Variants in LRRC4C observed in about 807,000 individuals in gnomAD.
LRRC4C encodes leucine rich repeat containing 4C.
LRRC4C carries 5 observed loss-of-function variants against 33.6 expected under a neutral mutation model. That is an observed-to-expected ratio of 0.15 (90% CI 0.08 to 0.31). The LOEUF (loss-of-function observed/expected upper bound fraction) is 0.31. LRRC4C is among the 10% of genes least tolerant of loss of function. The pLI is 1.00. For missense variants in LRRC4C, 560 were observed against 796.7 expected, an observed-to-expected ratio of 0.70 and a Z score of 3.58; for synonymous variants, 329 against 302.0, an observed-to-expected ratio of 1.09 and a Z score of -0.93.
At chr11:40,652,858 A>G (rs1194502729) in intron 2 of LRRC4C, among the ~76,000 whole-genome samples, 1 of 152,202 alleles carries the variant, frequency 6.6e-6, no homozygotes, top group Non-Finnish European at 1.5e-5. Flanking sequence ...CACCTTGATT[A>G]TAATCCCCAT....
chr11:40,976,833 TGGAAG>T (rs1347123760), intron 1 of LRRC4C, among the ~76,000 whole-genome samples: 11 of 152,148 alleles, frequency 7.2e-5, no homozygotes, highest in Non-Finnish European at 7.3e-5. Flanking sequence ...ACCAATTTCA[TGGAAG>T]GCAATTTTTT....
chr11:40,265,346 C>T (rs1942169453), intron 4 of LRRC4C, among the ~76,000 whole-genome samples: 1 of 152,138 alleles, frequency 6.6e-6, no homozygotes, highest in African/African-American at 2.4e-5. Flanking sequence ...GTTGAAGTAA[C>T]TTAAATGGGC....
chr11:40,304,085 T>C (rs1356854260), intron 4 of LRRC4C, among the ~76,000 whole-genome samples: 1 of 152,148 alleles, frequency 6.6e-6, no homozygotes, highest in Non-Finnish European at 1.5e-5. Context: ...AGGAGCCAAA[T>C]TGCCAACATC....
At chr11:41,221,712 T>G (rs1280456377) in intron 1 of LRRC4C, among the ~76,000 whole-genome samples, 2 of 152,206 alleles carry the variant, frequency 1.3e-5, no homozygotes, top group Non-Finnish European at 2.9e-5. Context: ...TATAAATCTA[T>G]ACATTTCAAA....
At chr11:40,814,555 C>T (rs1361808622) in intron 2 of LRRC4C, among the ~76,000 whole-genome samples, 1 of 152,014 alleles carries the variant, frequency 6.6e-6, no homozygotes, top group Non-Finnish European at 1.5e-5. Context: ...CATTTGGTTC[C>T]TTGTTCCTTG....
intron 5 of LRRC4C, among the ~76,000 whole-genome samples, chr11:40,144,021 G>A (rs1857550071): frequency 6.6e-6 from 1 of 152,110 alleles, no homozygotes; most frequent in African/African-American, 2.4e-5. Flanking sequence ...GCTGTAAAAG[G>A]TATAGCAGTT....
chr11:40,746,113 C>G (rs1948404182), intron 2 of LRRC4C, among the ~76,000 whole-genome samples: 1 of 152,144 alleles, frequency 6.6e-6, no homozygotes, highest in South Asian at 2.1e-4. Context: ...TGGCTGGGAG[C>G]TGAAAGAGGG....
chr11:41,209,958 G>C (rs1288222573), intron 1 of LRRC4C, among the ~76,000 whole-genome samples: 1 of 152,054 alleles, frequency 6.6e-6, no homozygotes, highest in African/African-American at 2.4e-5. Context: ...GAGACTAAGA[G>C]ACACCAGATA....
chr11:41,328,813 C>T (rs2137348416), intron 1 of LRRC4C, among the ~76,000 whole-genome samples: 1 of 152,296 alleles, frequency 6.6e-6, no homozygotes, highest in Non-Finnish European at 1.5e-5. Flanking sequence ...TCAAGCCAGG[C>T]TCTCATTTCA....
intron 3 of LRRC4C, among the ~76,000 whole-genome samples, chr11:40,381,662 ACTCT>A (rs1948871930): frequency 1.3e-5 from 2 of 151,878 alleles, no homozygotes; most frequent in South Asian, 4.2e-4. Flanking sequence ...TGAGAACGTG[ACTCT>A]CTCCTCATTT....
chr11:40,206,391 A>C lies in LRRC4C; in HGVS notation c.-96+35128T>G, dbSNP rs369619550. 2.8e-4 allele frequency among the ~76,000 whole-genome samples: 39 copies of C among 141,432 alleles called. No homozygotes were observed. In the East Asian group the frequency reaches 5.6e-3, roughly 20 times the overall value. 92.8% of individuals were successfully genotyped at this position (141,432 alleles called of 152,430 possible). ...CCTGGGATTACAGGCACCTGCCATC[A>C]TGCCCAGCTAATTTTTGTATTTTTT... On this transcript the variant is annotated intron_variant, in intron 5 of 6. Transcript: ENST00000528697.
intron 2 of LRRC4C, among the ~76,000 whole-genome samples, chr11:40,747,200 A>G (rs1267759383): frequency 2.0e-5 from 3 of 152,152 alleles, no homozygotes; most frequent in African/African-American, 7.2e-5. Flanking sequence ...ACTGGGGCCC[A>G]AAGATCAGCC....
intron 2 of LRRC4C, among the ~76,000 whole-genome samples, chr11:40,723,504 A>C (rs1947131358): frequency 6.6e-6 from 1 of 152,318 alleles, no homozygotes; most frequent in Admixed American, 6.5e-5. Flanking sequence ...ATATCCTGAC[A>C]AACGAAGCTT....
intron 1 of LRRC4C, among the ~76,000 whole-genome samples, chr11:40,948,511 T>TC (rs879573754): frequency 9.9e-5 from 10 of 100,876 alleles, no homozygotes; most frequent in African/African-American, 3.9e-4. Context: ...ATGCTATCCC[T>TC]CCCCCCTCCC....
At chr11:40,847,975 T>C (rs993295416) in intron 2 of LRRC4C, among the ~76,000 whole-genome samples, 1 of 152,008 alleles carries the variant, frequency 6.6e-6, no homozygotes, top group African/African-American at 2.4e-5. Flanking sequence ...ATGGTAGTTT[T>C]TATTTCTGAG....
intron 5 of LRRC4C, among the ~76,000 whole-genome samples, chr11:40,201,145 G>T (rs1042984060): frequency 3.3e-5 from 5 of 152,124 alleles, no homozygotes; most frequent in East Asian, 1.9e-4. Flanking sequence ...CATCCTGCAG[G>T]CACGCAAGGC....
At chr11:41,275,365 C>T (rs763979776) in intron 1 of LRRC4C, among the ~76,000 whole-genome samples, 2 of 152,056 alleles carry the variant, frequency 1.3e-5, no homozygotes, top group African/African-American at 2.4e-5. Flanking sequence ...AATATAGTAC[C>T]ATTTACCTAA....
At chr11:40,411,270 T>C (rs1950146744) in intron 3 of LRRC4C, among the ~76,000 whole-genome samples, 1 of 151,992 alleles carries the variant, frequency 6.6e-6, no homozygotes, top group Non-Finnish European at 1.5e-5. Context: ...CACATATGCT[T>C]ACTTAGTTCA....
At chr11:40,281,822 A>G (rs900407007) in intron 4 of LRRC4C, among the ~76,000 whole-genome samples, 1 of 152,196 alleles carries the variant, frequency 6.6e-6, no homozygotes, top group African/African-American at 2.4e-5. Flanking sequence ...AGGGAACTGT[A>G]TTAGTTATCA....
Sources: allele counts gnomAD v4.1 joint callset (sites outside exome capture counted in the v4.1 genomes callset), GRCh38; gene constraint gnomAD v4.1.1; transcripts MANE v1.5; gene names NCBI Gene and HGNC (gene_info 2026-07-23, HGNC 2026-07-21).